Variants in STK32B observed in about 807,000 individuals in gnomAD.
STK32B encodes the protein serine/threonine-protein kinase 32B.
Under a neutral mutation model 52.6 loss-of-function variants are expected in STK32B, and 43 were observed. The ratio of observed to expected loss-of-function variants is 0.82; its 90% confidence interval spans 0.64 to 1.05. The LOEUF (loss-of-function observed/expected upper bound fraction) is 1.05. STK32B is among the 50% of genes least tolerant of loss of function. The pLI is 0.00. For synonymous variants in STK32B, 238 were observed against 204.3 expected (o/e 1.17, Z -1.41); for missense variants, 621 against 534.6 (o/e 1.16, Z -1.59).
chr4:5,331,494 G>GT, intron 4 of STK32B, 101 bp downstream of exon 4: 1 of 1,303,280 alleles, frequency 7.7e-7, no homozygotes, highest in South Asian at 1.5e-5. Flanking sequence ...CCTTGACATG[G>GT]TTTAAAAGTG....
intron 3 of STK32B, among the ~76,000 whole-genome samples, chr4:5,322,579 C>T (rs1157377268): frequency 1.3e-5 from 2 of 152,174 alleles, no homozygotes; most frequent in Non-Finnish European, 2.9e-5. Flanking sequence ...GTGACTTTTG[C>T]CTCAGGAAGA....
chr4:5,125,691 T>A (rs1010825323), intron 1 of STK32B, among the ~76,000 whole-genome samples: 3 of 152,190 alleles, frequency 2.0e-5, no homozygotes, highest in Non-Finnish European at 4.4e-5. Flanking sequence ...CTCTCTACTC[T>A]CATCCCCGCA....
chr4:5,344,870 C>G (rs986956715), intron 4 of STK32B, among the ~76,000 whole-genome samples: 2 of 151,918 alleles, frequency 1.3e-5, no homozygotes, highest in Non-Finnish European at 2.9e-5. Flanking sequence ...GAGGATCACT[C>G]AAGCCCAAAA....
intron 4 of STK32B, among the ~76,000 whole-genome samples, chr4:5,373,420 G>C (rs779910322): frequency 2.0e-5 from 3 of 152,164 alleles, no homozygotes; most frequent in African/African-American, 4.8e-5. Context: ...TCCGAAGGTA[G>C]TAAAAAGCCA....
At chr4:5,204,429 T>G (rs576885293) in intron 3 of STK32B, among the ~76,000 whole-genome samples, 8 of 101,336 alleles carry the variant, frequency 7.9e-5, no homozygotes, top group African/African-American at 2.4e-4. Context: ...TTTTTTAGGT[T>G]TTTTTTGTTT....
At chr4:5,340,468 T>A (rs1733003200) in intron 4 of STK32B, among the ~76,000 whole-genome samples, 1 of 152,234 alleles carries the variant, frequency 6.6e-6, no homozygotes, top group Non-Finnish European at 1.5e-5. Flanking sequence ...GAGCCTGTAT[T>A]GCAAGGGTCA....
chr4:5,087,617 CAAT>C (rs1162816009), intron 1 of STK32B, among the ~76,000 whole-genome samples: 1 of 150,972 alleles, frequency 6.6e-6, no homozygotes, highest in African/African-American at 2.4e-5. Flanking sequence ...ATATTCCATG[CAAT>C]AATAAACAAA....
intron 3 of STK32B, among the ~76,000 whole-genome samples, chr4:5,180,049 C>T (rs73212015): frequency 0.19 from 28,519 of 152,098 alleles, 3,370 homozygotes; most frequent in East Asian, 0.31. Flanking sequence ...GGAAGGGGCT[C>T]TCCAGAGGGA....
chr4:5,361,200 T>G (rs1734525693), intron 4 of STK32B, among the ~76,000 whole-genome samples: 2 of 152,230 alleles, frequency 1.3e-5, no homozygotes, highest in South Asian at 4.1e-4. Context: ...GTATCACATT[T>G]TGTTTATCCA....
At chr4:5,319,239 A>G (rs2108934738) in intron 3 of STK32B, among the ~76,000 whole-genome samples, 1 of 152,312 alleles carries the variant, frequency 6.6e-6, no homozygotes, top group South Asian at 2.1e-4. Context: ...TAATGAGGAT[A>G]TGGGGCCCAG....
intron 3 of STK32B, among the ~76,000 whole-genome samples, chr4:5,296,992 G>A (rs927419130): frequency 6.6e-6 from 1 of 152,126 alleles, no homozygotes. Flanking sequence ...AAATCCCTCA[G>A]CATTTGCTTG....
At chr4:5,106,649 A>T (rs555555886) in intron 1 of STK32B, among the ~76,000 whole-genome samples, 2 of 152,336 alleles carry the variant, frequency 1.3e-5, no homozygotes, top group East Asian at 3.9e-4. Flanking sequence ...TTGAAATCAA[A>T]TCCAAAGATA....
intron 6 of STK32B, chr4:5,437,770 T>C (rs1250567052): frequency 3.5e-6 from 1 of 284,826 alleles, no homozygotes; most frequent in African/African-American, 2.3e-5. Flanking sequence ...ACCTGACAAA[T>C]CACGGTTGCT....
intron 3 of STK32B, among the ~76,000 whole-genome samples, chr4:5,292,613 G>A (rs956047761): frequency 1.6e-4 from 25 of 151,852 alleles, no homozygotes; most frequent in Non-Finnish European, 3.4e-4. Flanking sequence ...TTTTGCTGTG[G>A]TAGTTTCTTT....
intron 11 of STK32B, among the ~76,000 whole-genome samples, chr4:5,496,529 G>C (rs541858882): frequency 3.8e-5 from 5 of 132,484 alleles, no homozygotes; most frequent in African/African-American, 1.5e-4. Flanking sequence ...TGCGCTTCCC[G>C]AGTGAGGCAA....
the STK32B span, among the ~76,000 whole-genome samples, chr4:5,026,922 G>A: frequency 2.5e-4 from 38 of 152,284 alleles, no homozygotes; most frequent in South Asian, 6.0e-3. Flanking sequence ...TAGACCACAC[G>A]AAGAGTCTGA....
At chr4:5,319,560 C>T (rs561532168) in intron 3 of STK32B, among the ~76,000 whole-genome samples, 72 of 137,636 alleles carry the variant, frequency 5.2e-4, no homozygotes, top group African/African-American at 2.0e-3. Context: ...TCTTACCCCT[C>T]TCCAGCACGC....
At chr4:5,331,114 C>A (rs527638964) in intron 3 of STK32B, 106 bp from the exon 4 acceptor site, 6 of 1,116,336 alleles carry the variant, frequency 5.4e-6, no homozygotes, top group Non-Finnish European at 7.6e-6. Context: ...CAACTCAGTG[C>A]CTCTCTCTGA....
At chr4:5,225,355 C>T (rs1038223189) in intron 3 of STK32B, among the ~76,000 whole-genome samples, 2 of 151,854 alleles carry the variant, frequency 1.3e-5, no homozygotes, top group African/African-American at 2.4e-5. Flanking sequence ...TGCTGTGAGC[C>T]GAGATCACGC....
Sources: gnomAD v4.1 joint callset for allele counts (sites outside exome capture counted in the v4.1 genomes callset) on GRCh38, gnomAD v4.1.1 for gene constraint, MANE v1.5 for transcripts, NCBI Gene and HGNC (gene_info 2026-07-23, HGNC 2026-07-21) for gene names.